Variants in RAB18 observed in about 807,000 individuals in gnomAD.
RAB18 encodes ras-related protein Rab-18.
Under a neutral mutation model 28.5 loss-of-function variants are expected in RAB18, and 10 were observed. That is an observed-to-expected ratio of 0.35 (90% CI 0.22 to 0.60). RAB18 has a LOEUF of 0.60. Ranked by LOEUF, RAB18 falls within the 20% of genes least tolerant of loss-of-function variation. The probability of loss-of-function intolerance (pLI) is 0.78; values close to 1 mark genes in which losing one functional copy is unlikely to be tolerated. For missense variants in RAB18, 188 were observed against 244.2 expected (o/e 0.77, Z 1.53); for synonymous variants, 93 against 86.9 (o/e 1.07, Z -0.39).
rs770386911 is a variant in RAB18 at position 27,540,910 on chromosome 10, CCTT to C, written c.*2863_*2865del. On this transcript the variant is annotated 3_prime_UTR_variant, in exon 7 of 7. Coordinates refer to ENST00000356940, the MANE Select transcript of RAB18 (RefSeq NM_021252.5). ...CTAGCACCATAGCTCATAAAAGAAT[CCTT>C]CTTACACCAGTACTTGTTCTGCCTG... is the stretch of plus-strand genomic sequence containing the variant. 2 of 453,924 alleles carry C rather than the reference CCTT, an allele frequency of 4.4e-6. No individual in the cohort carries two copies. The highest frequency in any genetic ancestry group is 2.4e-5 in the Admixed American group (1 of 42,550). The allele number at this position is 453,924 out of a possible 1,614,324, so 28.1% of individuals were successfully genotyped here.
At chr10:27,535,846 G>C (rs1400361736) in intron 6 of RAB18, among the ~76,000 whole-genome samples, 1 of 152,138 alleles carries the variant, frequency 6.6e-6, no homozygotes, top group Non-Finnish European at 1.5e-5. Flanking sequence ...CAGCACTTTG[G>C]GAGGCCGAGG....
intron 6 of RAB18, among the ~76,000 whole-genome samples, chr10:27,536,110 TA>T (rs910607026): frequency 1.3e-5 from 2 of 150,252 alleles, no homozygotes; most frequent in Non-Finnish European, 3.0e-5. Flanking sequence ...CAATCAGAGA[TA>T]ACTCCATGTT....
chr10:27,510,736 TGAG>T (rs1317857944), intron 2 of RAB18, among the ~76,000 whole-genome samples: 2 of 152,212 alleles, frequency 1.3e-5, no homozygotes, highest in East Asian at 1.9e-4. Flanking sequence ...CATGATCTGA[TGAG>T]GAGAATATAG....
In RAB18 at chr10:27,513,033, T is replaced by TATATA. The variant is rs1491224383; in HGVS notation, c.124+3103_124+3104insATATA. 5.4e-4 allele frequency among the ~76,000 whole-genome samples: 70 copies of TATATA among 130,004 alleles called. No homozygotes were observed. In the East Asian group the frequency reaches 9.8e-3, roughly 18 times the overall value. 85.3% of individuals were successfully genotyped at this position (130,004 alleles called of 152,430 possible). A position where few individuals can be genotyped will look rare whatever the true frequency, so the allele number is the denominator to read the frequency against. ...GTAATAACATATATATATATATATA[T>TATATA]TTTTTTTTTTTTTTTGGAGACAAGA... On this transcript the variant is annotated intron_variant, in intron 2 of 6. Coordinates refer to ENST00000356940, the MANE Select transcript of RAB18 (RefSeq NM_021252.5).
rs190585383 is a variant in RAB18 at position 27,534,529 on chromosome 10, C to T, written c.445+535C>T. 3.8e-3 allele frequency among the ~76,000 whole-genome samples: 583 copies of T among 152,330 alleles called. 3 individuals carry two copies. The highest frequency in any genetic ancestry group is 6.6e-3 in the Non-Finnish European group (448 of 68,030). On this transcript the variant is annotated intron_variant, in intron 6 of 6. Transcript: ENST00000356940. ...TGTGTTTACATGTTGTCTGTAGCTGCTTTTGTGCCATATGGCAGAGTTTAG... is the reference window on the plus strand; with the variant it reads ...TGTGTTTACATGTTGTCTGTAGCTGTTTTTGTGCCATATGGCAGAGTTTAG...
chr10:27,510,287 A>G, intron 2 of RAB18: 2 of 298,950 alleles, frequency 6.7e-6, no homozygotes, highest in South Asian at 6.8e-5. Context: ...AGGAGGGGTT[A>G]TAATAGTGAA....
In RAB18 at chr10:27,528,151, C is replaced by T. The variant is rs1444642475; in HGVS notation, c.186+1262C>T. 3.3e-5 allele frequency among the ~76,000 whole-genome samples: 5 copies of T among 152,064 alleles called. No individual in the cohort carries two copies. The South Asian group carries it at 6.2e-4, about 19-fold the overall frequency. ...GGCCTTGCTGCTGCTTTGTGAAATC[C>T]GTAGATTAGAGTAGTATCTGAGACT... On this transcript the variant is annotated intron_variant, in intron 3 of 6. Transcript: ENST00000356940.
intron 2 of RAB18, among the ~76,000 whole-genome samples, chr10:27,521,068 A>G (rs1834542619): frequency 6.6e-6 from 1 of 150,460 alleles, no homozygotes; most frequent in African/African-American, 2.5e-5. Flanking sequence ...TTAAAAGGGT[A>G]TTGTTTCATT....
chr10:27,530,238 C>T (rs969358916), intron 3 of RAB18, among the ~76,000 whole-genome samples: 8 of 151,972 alleles, frequency 5.3e-5, no homozygotes, highest in African/African-American at 1.9e-4. Flanking sequence ...ATACTTGGTC[C>T]TTGCCTCAAA....
intron 3 of RAB18, chr10:27,531,547 A>T: frequency 8.2e-6 from 12 of 1,471,752 alleles, no homozygotes; most frequent in Non-Finnish European, 1.1e-5. Flanking sequence ...GCATCAGCAG[A>T]CTGCAAACTT....
At chr10:27,517,062 A>C (rs1043720722) in intron 2 of RAB18, among the ~76,000 whole-genome samples, 4 of 152,156 alleles carry the variant, frequency 2.6e-5, no homozygotes, top group Non-Finnish European at 5.9e-5. Context: ...TTCAAAACAC[A>C]AGAAAAGAAT....
Position 27,542,159 on chromosome 10 carries a change from G to C in RAB18, c.*4108G>C, listed in dbSNP as rs1471785668. On this transcript the variant is annotated 3_prime_UTR_variant, in exon 7 of 7. Transcript: ENST00000356940. ...CTATTGGAGCCCTTGGGAACTTCTG[G>C]ATCAAATTGGACCTGAATTGAGATC... The C allele has an allele frequency of 2.2e-5, 10 of 453,926 alleles. No homozygotes were observed. The Admixed American group carries it at 2.4e-4, about 11-fold the overall frequency. 28.1% of individuals were successfully genotyped at this position (453,926 alleles called of 1,614,324 possible).
At chr10:27,532,689 TATGTA>T (rs771696108) in intron 4 of RAB18, 110 bp downstream of exon 4, 37 of 802,204 alleles carry the variant, frequency 4.6e-5, no homozygotes, top group Non-Finnish European at 7.4e-5. Context: ...GAGCTACTTT[TATGTA>T]ACTTGTAGTT....
chr10:27,539,143 A>T lies in RAB18; in HGVS notation c.*1092A>T, dbSNP rs766341683. The T allele has an allele frequency of 2.7e-6, 1 of 364,358 alleles. No individual in the cohort carries two copies. The highest frequency in any genetic ancestry group is 5.4e-6 in the Non-Finnish European group (1 of 186,198). 22.6% of individuals were successfully genotyped at this position (364,358 alleles called of 1,614,324 possible). A position where few individuals can be genotyped will look rare whatever the true frequency, so the allele number is the denominator to read the frequency against. On this transcript the variant is annotated 3_prime_UTR_variant, in exon 7 of 7. Transcript: ENST00000356940. ...CATCAAAACCAACTTGTACAGACTAATAAATCTTTTTCACAGTATTCAGTT... is the reference window on the plus strand; with the variant it reads ...CATCAAAACCAACTTGTACAGACTATTAAATCTTTTTCACAGTATTCAGTT...
At chr10:27,523,031 A>G (rs1289462035) in intron 2 of RAB18, among the ~76,000 whole-genome samples, 1 of 151,518 alleles carries the variant, frequency 6.6e-6, no homozygotes, top group East Asian at 1.9e-4. Flanking sequence ...TCTTTCTTCT[A>G]CTTCTTCGGA....
At chr10:27,523,958 A>G (rs1290185577) in intron 2 of RAB18, among the ~76,000 whole-genome samples, 1 of 151,928 alleles carries the variant, frequency 6.6e-6, no homozygotes, top group Non-Finnish European at 1.5e-5. Context: ...AGGCGCCTGT[A>G]GTCCCAGCAG....
rs1427199282 is a variant in RAB18, at chr10:27,540,522, A to T, written c.*2471A>T. ...TAGAAGTATTTCACACTTTTGGGTT[A>T]TAGAGTAAATCCCATGATGTAAACC... On this transcript the variant is annotated 3_prime_UTR_variant, in exon 7 of 7. Transcript: ENST00000356940. 4.4e-6 allele frequency: 2 copies of T among 454,084 alleles called. No homozygotes were observed. Among genetic ancestry groups the T allele is most frequent in the Non-Finnish European group, 8.8e-6 (2 of 226,770 alleles). The allele number at this position is 454,084 out of a possible 1,614,324, so 28.1% of individuals were successfully genotyped here.
intron 3 of RAB18, among the ~76,000 whole-genome samples, chr10:27,530,610 T>C (rs988400737): frequency 1.3e-5 from 2 of 152,070 alleles, no homozygotes; most frequent in South Asian, 4.1e-4. Flanking sequence ...TTTAAAAATA[T>C]ACATTTTTTA....
In RAB18 at chr10:27,540,560, C is replaced by T. The variant is rs1304630046; in HGVS notation, c.*2509C>T. 6.6e-6 allele frequency: 3 copies of T among 453,946 alleles called. No individual in the cohort carries two copies. The highest frequency in any genetic ancestry group is 4.7e-5 in the South Asian group (3 of 64,476). The allele number at this position is 453,946 out of a possible 1,614,324, so 28.1% of individuals were successfully genotyped here. A position where few individuals can be genotyped will look rare whatever the true frequency, so the allele number is the denominator to read the frequency against. Reference sequence around the variant, plus strand: ...CATGATGTAAACCTACCTCATAAGTCATGTGACATAAAAGTTAAGGTAGTG... The same window carrying T: ...CATGATGTAAACCTACCTCATAAGTTATGTGACATAAAAGTTAAGGTAGTG... On this transcript the variant is annotated 3_prime_UTR_variant, in exon 7 of 7. Transcript: ENST00000356940.
Sources: gnomAD v4.1 joint callset for allele counts (sites outside exome capture counted in the v4.1 genomes callset) on GRCh38, gnomAD v4.1.1 for gene constraint, MANE v1.5 for transcripts, NCBI Gene and HGNC (gene_info 2026-07-23, HGNC 2026-07-21) for gene names.